Variants in NEDD4L observed in about 807,000 individuals in gnomAD.
NEDD4L encodes the protein E3 ubiquitin-protein ligase NEDD4-like.
In NEDD4L, 54 loss-of-function variants were observed where a neutral mutation model predicts 148.9. The ratio of observed to expected loss-of-function variants is 0.36; its 90% CI spans 0.29 to 0.45. The LOEUF is 0.45. Ranked by LOEUF, NEDD4L falls within the 20% of genes least tolerant of loss-of-function variation. NEDD4L has a pLI of 1.00. For missense variants in NEDD4L, 856 were observed against 1,233.8 expected (o/e 0.69, Z 4.59); for synonymous variants, 433 against 440.7 (o/e 0.98, Z 0.22).
intron 1 of NEDD4L, among the ~76,000 whole-genome samples, chr18:58,095,056 T>G (rs909209187): frequency 3.9e-5 from 6 of 152,236 alleles, no homozygotes; most frequent in African/African-American, 1.4e-4. Context: ...ATTGATTGTG[T>G]ATTCACTTAG....
intron 5 of NEDD4L, among the ~76,000 whole-genome samples, chr18:58,289,381 T>C (rs1032945364): frequency 5.9e-5 from 9 of 152,172 alleles, no homozygotes; most frequent in Admixed American, 2.0e-4. Flanking sequence ...CCTTGGAGTA[T>C]ATGGCCTATG....
chr18:58,263,332 T>C (rs889710687), intron 5 of NEDD4L, among the ~76,000 whole-genome samples: 2 of 152,178 alleles, frequency 1.3e-5, no homozygotes, highest in South Asian at 4.2e-4. Flanking sequence ...TTACACAGCC[T>C]TCTTTTGTGA....
intron 1 of NEDD4L, among the ~76,000 whole-genome samples, chr18:58,085,712 C>T (rs2083726849): frequency 1.3e-5 from 2 of 152,296 alleles, no homozygotes; most frequent in South Asian, 2.1e-4. Context: ...ATTTAGTGTG[C>T]TTTTCCTTAT....
chr18:58,369,989 C>T (rs1029094680), intron 22 of NEDD4L, among the ~76,000 whole-genome samples: 1 of 152,240 alleles, frequency 6.6e-6, no homozygotes, highest in Admixed American at 6.5e-5. Flanking sequence ...CTCTCCAGCA[C>T]CCCATGTGGG....
chr18:58,271,723 G>A (rs778759756), intron 5 of NEDD4L, among the ~76,000 whole-genome samples: 2 of 152,158 alleles, frequency 1.3e-5, no homozygotes, highest in African/African-American at 2.4e-5. Flanking sequence ...TGTACCAGTC[G>A]TATATTTTAC....
intron 1 of NEDD4L, among the ~76,000 whole-genome samples, chr18:58,114,348 AT>A (rs889079957): frequency 1.4e-4 from 20 of 146,342 alleles, no homozygotes; most frequent in East Asian, 9.7e-4. Context: ...TTTAAAAAAA[AT>A]ATATATATAT....
intron 1 of NEDD4L, among the ~76,000 whole-genome samples, chr18:58,143,291 C>T (rs531400252): frequency 2.6e-5 from 4 of 152,284 alleles, no homozygotes; most frequent in African/African-American, 7.2e-5. Flanking sequence ...CCTGCACCCT[C>T]GATCTCACAG....
At chr18:58,309,417 G>A (rs1246379055) in intron 5 of NEDD4L, among the ~76,000 whole-genome samples, 1 of 152,156 alleles carries the variant, frequency 6.6e-6, no homozygotes, top group African/African-American at 2.4e-5. Flanking sequence ...TCATGCCCCT[G>A]CTACGTGGCA....
chr18:58,193,492 T>C (rs2040335703), intron 2 of NEDD4L, among the ~76,000 whole-genome samples: 1 of 143,116 alleles, frequency 7.0e-6, no homozygotes, highest in Non-Finnish European at 1.6e-5. Flanking sequence ...ATTTATTCTC[T>C]TCCCCCTGAT....
chr18:58,066,397 T>G (rs2082598279), intron 1 of NEDD4L, among the ~76,000 whole-genome samples: 1 of 148,420 alleles, frequency 6.7e-6, no homozygotes, highest in Admixed American at 6.8e-5. Context: ...GTTTTTTTTT[T>G]TTTTTTTTTT....
chr18:58,061,171 G>A (rs1320237861), intron 1 of NEDD4L, among the ~76,000 whole-genome samples: 2 of 152,148 alleles, frequency 1.3e-5, no homozygotes, highest in East Asian at 1.9e-4. Flanking sequence ...CTCCCACAAC[G>A]ATCATCTCGC....
At chr18:58,181,425 A>C (rs2038849805) in intron 2 of NEDD4L, among the ~76,000 whole-genome samples, 1 of 152,178 alleles carries the variant, frequency 6.6e-6, no homozygotes. Context: ...TAAGAAAGGA[A>C]TTTGTCTATC....
chr18:58,245,761 C>T (rs555519990), intron 3 of NEDD4L, among the ~76,000 whole-genome samples: 6 of 149,486 alleles, frequency 4.0e-5, no homozygotes, highest in Admixed American at 6.7e-5. Context: ...GCTCACTGCA[C>T]CCTCCGCCTC....
intron 2 of NEDD4L, among the ~76,000 whole-genome samples, chr18:58,214,937 G>A (rs901240928): frequency 6.6e-5 from 10 of 151,394 alleles, no homozygotes; most frequent in African/African-American, 1.9e-4. Flanking sequence ...TCAGCCTCCC[G>A]AGTAGCTGGG....
chr18:58,077,351 G>T (rs913798245), intron 1 of NEDD4L, among the ~76,000 whole-genome samples: 2 of 151,680 alleles, frequency 1.3e-5, no homozygotes, highest in African/African-American at 4.8e-5. Flanking sequence ...ATTTTTTATA[G>T]AGATAGGCTT....
intron 2 of NEDD4L, among the ~76,000 whole-genome samples, chr18:58,235,659 G>A (rs2045927309): frequency 6.6e-6 from 1 of 152,132 alleles, no homozygotes. Flanking sequence ...GGCCAGAACT[G>A]TTTTCAGTTG....
chr18:58,313,654 T>C (rs2057945226), intron 5 of NEDD4L, among the ~76,000 whole-genome samples: 1 of 152,228 alleles, frequency 6.6e-6, no homozygotes, highest in African/African-American at 2.4e-5. Flanking sequence ...ACAATCATTG[T>C]ACCTGCCTCT....
intron 1 of NEDD4L, among the ~76,000 whole-genome samples, chr18:58,083,612 C>G (rs1269028480): frequency 6.6e-6 from 1 of 152,024 alleles, no homozygotes; most frequent in African/African-American, 2.4e-5. Flanking sequence ...GGCATGAACT[C>G]GGGAGGCAGA....
At position 58,074,238 on chromosome 18, in the gene NEDD4L, T is replaced by G. The variant is rs1539933; in HGVS notation, c.48+29530T>G. 4.2e-3 allele frequency among the ~76,000 whole-genome samples: 637 copies of G among 151,964 alleles called. 2 individuals carry two copies. Among genetic ancestry groups the G allele is most frequent in the Non-Finnish European group, 6.7e-3 (458 of 67,982 alleles). ...CTACTTGTATTCTGTCATTTTGCTC[T>G]TATCCTCCCAAAATCATGCTAAGAT... On this transcript the variant is annotated intron_variant, in intron 1 of 30. Transcript: ENST00000400345.
Sources: gnomAD v4.1 joint callset for allele counts (sites outside exome capture counted in the v4.1 genomes callset) on GRCh38, gnomAD v4.1.1 for gene constraint, MANE v1.5 for transcripts, NCBI Gene and HGNC (gene_info 2026-07-23, HGNC 2026-07-21) for gene names.